Variants in GPC5 observed in about 807,000 individuals in gnomAD.
GPC5 encodes glypican-5.
GPC5 carries 47 observed loss-of-function variants against 53.9 expected under a neutral mutation model. The ratio of observed to expected loss-of-function variants is 0.87; its 90% confidence interval spans 0.69 to 1.11. GPC5 has a LOEUF of 1.11. Ranked by LOEUF, GPC5 falls within the 50% of genes most tolerant of loss-of-function variation. The pLI, the probability that GPC5 is intolerant of heterozygous loss-of-function variation, is 0.00. For synonymous variants in GPC5, 286 were observed against 263.3 expected (o/e 1.09, Z -0.84); for missense variants, 748 against 713.1 (o/e 1.05, Z -0.56).
chr13:92,598,021 T>C (rs1467043850), intron 7 of GPC5, among the ~76,000 whole-genome samples: 1 of 152,212 alleles, frequency 6.6e-6, no homozygotes, highest in East Asian at 1.9e-4. Flanking sequence ...ACTTTATATA[T>C]TGACTGAACC....
At chr13:91,749,838 C>T (rs1239412959) in intron 4 of GPC5, among the ~76,000 whole-genome samples, 8 of 152,284 alleles carry the variant, frequency 5.3e-5, no homozygotes, top group East Asian at 1.9e-4. Flanking sequence ...GACAGAGTCT[C>T]GCTGCTCTAT....
At chr13:92,152,617 T>C (rs966263528) in intron 7 of GPC5, among the ~76,000 whole-genome samples, 1 of 152,014 alleles carries the variant, frequency 6.6e-6, no homozygotes, top group Non-Finnish European at 1.5e-5. Flanking sequence ...CGGGCGCCTG[T>C]AGCCCCAGCT....
intron 7 of GPC5, among the ~76,000 whole-genome samples, chr13:92,631,890 A>G (rs1349783448): frequency 6.6e-6 from 1 of 152,162 alleles, no homozygotes; most frequent in Admixed American, 6.5e-5. Flanking sequence ...ATGTAAATCA[A>G]TTTTGTTTAG....
At chr13:91,906,840 C>A (rs1864144463) in intron 5 of GPC5, among the ~76,000 whole-genome samples, 2 of 152,024 alleles carry the variant, frequency 1.3e-5, no homozygotes, top group South Asian at 4.1e-4. Context: ...TTTACCAGAT[C>A]TTTGTTTAGG....
chr13:92,365,358 T>A (rs1478087306), intron 7 of GPC5, among the ~76,000 whole-genome samples: 1 of 151,704 alleles, frequency 6.6e-6, no homozygotes. Flanking sequence ...ATATAGGGCA[T>A]TTACCATGAA....
intron 7 of GPC5, among the ~76,000 whole-genome samples, chr13:92,157,715 A>G (rs999858959): frequency 2.6e-5 from 4 of 152,134 alleles, no homozygotes; most frequent in Admixed American, 2.6e-4. Flanking sequence ...GTTTATCGTT[A>G]TTTTTTGTTT....
intron 7 of GPC5, among the ~76,000 whole-genome samples, chr13:92,269,092 A>G (rs1164141733): frequency 6.6e-6 from 1 of 151,586 alleles, no homozygotes; most frequent in African/African-American, 2.4e-5. Flanking sequence ...ATTCATAATT[A>G]CTCTTATTTT....
chr13:92,298,783 G>T (rs1566526935), intron 7 of GPC5, among the ~76,000 whole-genome samples: 1 of 152,096 alleles, frequency 6.6e-6, no homozygotes, highest in Non-Finnish European at 1.5e-5. Flanking sequence ...AATTCCTGAT[G>T]CAAGCCTCCA....
At chr13:92,329,793 T>C (rs716624) in intron 7 of GPC5, among the ~76,000 whole-genome samples, 1 of 151,892 alleles carries the variant, frequency 6.6e-6, no homozygotes, top group Non-Finnish European at 1.5e-5. Flanking sequence ...CAAGAAAACA[T>C]CACAGGACAG....
chr13:91,806,021 ATTTTTTTTTTTTT>A (rs71113764), intron 5 of GPC5, among the ~76,000 whole-genome samples: 2 of 48,558 alleles, frequency 4.1e-5, no homozygotes, highest in African/African-American at 1.7e-4. Flanking sequence ...AAATACAATA[ATTTTTTTTTTTTT>A]TTTTTTTTTT....
chr13:92,377,612 T>TACTA (rs1193716236), intron 7 of GPC5, among the ~76,000 whole-genome samples: 17 of 152,194 alleles, frequency 1.1e-4, no homozygotes, highest in Admixed American at 2.6e-4. Context: ...AGCAAAAGCA[T>TACTA]ACTAACTTAT....
intron 3 of GPC5, among the ~76,000 whole-genome samples, chr13:91,706,469 T>C (rs945763364): frequency 1.3e-5 from 2 of 152,126 alleles, no homozygotes; most frequent in African/African-American, 4.8e-5. Context: ...AGCTTGATTG[T>C]GCTGTTTATT....
intron 7 of GPC5, among the ~76,000 whole-genome samples, chr13:92,660,875 T>A (rs897994499): frequency 6.6e-6 from 1 of 152,138 alleles, no homozygotes; most frequent in African/African-American, 2.4e-5. Context: ...CTAATGGAAC[T>A]AAAGAATTGA....
intron 1 of GPC5, among the ~76,000 whole-genome samples, chr13:91,416,424 G>A (rs1489742544): frequency 6.6e-6 from 1 of 150,758 alleles, no homozygotes; most frequent in African/African-American, 2.4e-5. Context: ...AAATCTCTGA[G>A]AAGTACTATA....
intron 7 of GPC5, among the ~76,000 whole-genome samples, chr13:92,600,977 A>G (rs1270915887): frequency 6.6e-6 from 1 of 152,126 alleles, no homozygotes; most frequent in Non-Finnish European, 1.5e-5. Flanking sequence ...TATAATTTAT[A>G]CTTGTTTCAT....
intron 3 of GPC5, among the ~76,000 whole-genome samples, chr13:91,713,292 A>G (rs1421431724): frequency 6.6e-6 from 1 of 152,186 alleles, no homozygotes; most frequent in Non-Finnish European, 1.5e-5. Flanking sequence ...TATATTTATG[A>G]AAAAATTGAA....
rs368702530 is a variant in GPC5 at position 91,691,832 on chromosome 13, TCAAA to T, written c.326-1352_326-1349del. 6.8e-3 allele frequency among the ~76,000 whole-genome samples: 1,040 copies of T among 152,312 alleles called. 14 individuals carry two copies. Among genetic ancestry groups the T allele is most frequent in the African/African-American group, 0.024 (1,007 of 41,556 alleles). On this transcript the variant is annotated intron_variant, in intron 2 of 7. Transcript: ENST00000377067. ...TCTTCCACCTATTTTTGTAATATAC[TCAAA>T]CAGTGTTTAGATTACTAAGTTATTG...
At chr13:91,614,009 A>G (rs2033629806) in intron 2 of GPC5, among the ~76,000 whole-genome samples, 1 of 152,244 alleles carries the variant, frequency 6.6e-6, no homozygotes, top group South Asian at 2.1e-4. Context: ...TACTTCGAAC[A>G]GAGTGAGTGG....
intron 7 of GPC5, among the ~76,000 whole-genome samples, chr13:92,827,911 C>T (rs776691650): frequency 6.6e-6 from 1 of 152,100 alleles, no homozygotes; most frequent in Non-Finnish European, 1.5e-5. Context: ...TTCCACCAAA[C>T]ATTTCCAGAT....
Sources: allele counts gnomAD v4.1 joint callset (sites outside exome capture counted in the v4.1 genomes callset), GRCh38; gene constraint gnomAD v4.1.1; transcripts MANE v1.5; gene names NCBI Gene and HGNC (gene_info 2026-07-23, HGNC 2026-07-21).